USO1: variants seen among roughly 807,000 people sequenced by gnomAD.
USO1 encodes the protein USO1 vesicle transport factor.
In USO1, 57 loss-of-function variants were observed where a neutral mutation model predicts 124.5. The observed-to-expected ratio is 0.46, with a 90% CI of 0.37 to 0.57. USO1 has a LOEUF of 0.57. Among genes scored for constraint, USO1 ranks in the 20% least tolerant of loss-of-function variants. The pLI, the probability that USO1 is intolerant of heterozygous loss-of-function variation, is 0.00. For synonymous variants in USO1, 369 were observed against 362.8 expected (o/e 1.02, Z -0.19); for missense variants, 900 against 1,040.6 (o/e 0.86, Z 1.86).
chr4:75,807,382 T>A (rs1560463050), intron 20 of USO1, among the ~76,000 whole-genome samples: 1 of 151,872 alleles, frequency 6.6e-6, no homozygotes, highest in Non-Finnish European at 1.5e-5. Context: ...TTTTTTTTTT[T>A]AATCCAAGCA....
rs777706325 is a variant in USO1 at position 75,810,583 on chromosome 4, A to G, written c.2583+44A>G. 3 of 1,537,888 alleles carry G rather than the reference A, an allele frequency of 2.0e-6. No homozygotes were observed. The Admixed American group carries it at 6.9e-5, about 35-fold the overall frequency. ...TTTTATTTACTGCATATGATATGAA[A>G]TGAACTCTAGGAAATTTTATATATC... is the stretch of plus-strand genomic sequence containing the variant. On this transcript the variant is annotated intron_variant, in intron 22 of 23. Transcript: ENST00000514213.
At chr4:75,756,972 T>C (rs774378417) in intron 3 of USO1, among the ~76,000 whole-genome samples, 1 of 152,020 alleles carries the variant, frequency 6.6e-6, no homozygotes, top group Non-Finnish European at 1.5e-5. Flanking sequence ...TATATACATA[T>C]GTAAACATAC....
intron 1 of USO1, among the ~76,000 whole-genome samples, chr4:75,725,617 T>TAAA (rs5859473): frequency 7.4e-4 from 108 of 146,332 alleles, no homozygotes; most frequent in Non-Finnish European, 1.2e-3. Context: ...CGGCGTTATT[T>TAAA]AAAAAAAAAA....
rs1436814725 is a variant in USO1, at chr4:75,808,868, A to G, written c.2377-85A>G. The G allele has an allele frequency of 5.2e-5, 75 of 1,430,582 alleles. 1 individual carries two copies. The highest frequency in any genetic ancestry group is 2.9e-5 in the Non-Finnish European group (31 of 1,071,348). The allele number at this position is 1,430,582 out of a possible 1,614,324, so 88.6% of individuals were successfully genotyped here. A position where few individuals can be genotyped will look rare whatever the true frequency, so the allele number is the denominator to read the frequency against. ...TTTTAAAAGTAGGAGGTTGTAAATC[A>G]TTTTTTTAAATGTCTCCCTGTAAAT... On this transcript the variant is annotated intron_variant, in intron 20 of 23. Coordinates refer to ENST00000514213, the MANE Select transcript of USO1 (RefSeq NM_003715.4).
rs899299527 is a variant in USO1, at chr4:75,803,255, A to G, written c.1987-879A>G. Among the ~76,000 whole-genome samples, 5 of 152,228 alleles carry G rather than the reference A, an allele frequency of 3.3e-5. No homozygotes were observed. The East Asian group carries it at 7.7e-4, about 23-fold the overall frequency. On this transcript the variant is annotated intron_variant, in intron 17 of 23. Transcript: ENST00000514213. The stretch of plus-strand genomic sequence containing the variant: ...AGCAATATGGGGAAATTATGATAGA[A>G]TGTTAAGTAAATTAAAGGCTACATA...
At chr4:75,758,922 T>G (rs973089098) in intron 4 of USO1, among the ~76,000 whole-genome samples, 5 of 152,194 alleles carry the variant, frequency 3.3e-5, no homozygotes, top group Non-Finnish European at 7.3e-5. Context: ...CCTAGTTATT[T>G]CTACAATGAG....
In USO1 at chr4:75,808,966, T is replaced by A; in HGVS notation, c.2390T>A (p.Leu797Ter). The change falls in exon 21 of 24, where the codon TTA (leucine) becomes TAA (stop). Residue 797 changes from leucine (L) to a stop codon, truncating the protein, a stop_gained. Coordinates refer to ENST00000514213, the MANE Select transcript of USO1 (RefSeq NM_003715.4). LOFTEE classifies it high-confidence loss of function. ...VAELKQELAT[L>*]KSQLNSQSVE... ...TTTGTCTCTTAGGAACTGGCAACTTTAAAGTCTCAGTTAAACTCACAATCT... is the reference window on the plus strand; with the variant it reads ...TTTGTCTCTTAGGAACTGGCAACTTAAAAGTCTCAGTTAAACTCACAATCT... 6.2e-7 allele frequency: 1 copy of A among 1,600,032 alleles called. No homozygotes were observed. Among genetic ancestry groups the A allele is most frequent in the Non-Finnish European group, 8.5e-7 (1 of 1,173,452 alleles).
intron 13 of USO1, among the ~76,000 whole-genome samples, chr4:75,794,789 A>G (rs1431509819): frequency 3.3e-5 from 5 of 152,208 alleles, no homozygotes; most frequent in East Asian, 1.9e-4. Context: ...AGCTCCATCC[A>G]TAGAAATTAT....
chr4:75,769,069 T>C (rs938394343), intron 4 of USO1, among the ~76,000 whole-genome samples: 1 of 152,210 alleles, frequency 6.6e-6, no homozygotes, highest in East Asian at 1.9e-4. Context: ...CTCTTCCTTT[T>C]CTTTCCCCAC....
At chr4:75,764,081 C>A (rs1721697735) in intron 4 of USO1, among the ~76,000 whole-genome samples, 2 of 152,218 alleles carry the variant, frequency 1.3e-5, no homozygotes, top group African/African-American at 4.8e-5. Context: ...AACCATTGAT[C>A]CTTGTAATAG....
intron 4 of USO1, chr4:75,767,418 T>C: frequency 2.3e-6 from 1 of 438,374 alleles, no homozygotes; most frequent in Non-Finnish European, 4.5e-6. Flanking sequence ...TTTTGATACA[T>C]GTATAAACAT....
chr4:75,735,770 A>G (rs951903724), intron 1 of USO1, among the ~76,000 whole-genome samples: 23 of 152,098 alleles, frequency 1.5e-4, no homozygotes, highest in African/African-American at 5.3e-4. Context: ...ATCCTCTCAA[A>G]GTGCTGGGAT....
intron 4 of USO1, 164 bp from the exon 5 acceptor site, chr4:75,770,275 A>AAT (rs1214559663): frequency 1.1e-5 from 5 of 460,392 alleles, no homozygotes; most frequent in African/African-American, 2.0e-5. Context: ...CATTATTTTA[A>AAT]GGATATAGCT....
At chr4:75,776,520 T>C (rs1722075945) in intron 8 of USO1, among the ~76,000 whole-genome samples, 1 of 152,158 alleles carries the variant, frequency 6.6e-6, no homozygotes, top group Admixed American at 6.6e-5. Flanking sequence ...AATAGGGTTT[T>C]AAGGAAAGAT....
Position 75,812,525 on chromosome 4 carries a change from CTGTTTTCAT to C in USO1, c.2799+153_2799+161del, listed in dbSNP as rs1346418745. ...TATGGTACCATCTATACTGTTTTCA[CTGTTTTCAT>C]TGAATTTACTTAATACACAGATTAG... On this transcript the variant is annotated intron_variant, in intron 23 of 23. Transcript: ENST00000514213. 8.5e-6 allele frequency: 9 copies of C among 1,064,238 alleles called. No individual in the cohort carries two copies. In the Admixed American group the frequency reaches 2.1e-4, roughly 25 times the overall value. The allele number at this position is 1,064,238 out of a possible 1,614,324, so 65.9% of individuals were successfully genotyped here.
intron 12 of USO1, among the ~76,000 whole-genome samples, chr4:75,792,633 G>A (rs1722564194): frequency 6.6e-6 from 1 of 152,036 alleles, no homozygotes; most frequent in South Asian, 2.1e-4. Flanking sequence ...GGAGGTCGAG[G>A]CTGCAGTGAA....
intron 10 of USO1, among the ~76,000 whole-genome samples, chr4:75,789,167 G>T (rs955022770): frequency 6.6e-6 from 1 of 151,816 alleles, no homozygotes; most frequent in African/African-American, 2.4e-5. Flanking sequence ...CCACTCCCTT[G>T]CTCCCCAGTT....
intron 4 of USO1, among the ~76,000 whole-genome samples, chr4:75,761,843 CAAAT>C (rs1360417828): frequency 6.6e-6 from 1 of 152,124 alleles, no homozygotes; most frequent in East Asian, 1.9e-4. Flanking sequence ...AAAATACTAA[CAAAT>C]AAACTAACTT....
At chr4:75,749,892 C>G (rs897777460) in intron 1 of USO1, among the ~76,000 whole-genome samples, 1 of 151,896 alleles carries the variant, frequency 6.6e-6, no homozygotes, top group Non-Finnish European at 1.5e-5. Flanking sequence ...GCTGGGACTA[C>G]AGGCACCCGT....
Sources: gnomAD v4.1 joint callset for allele counts (sites outside exome capture counted in the v4.1 genomes callset) on GRCh38, gnomAD v4.1.1 for gene constraint, MANE v1.5 for transcripts, NCBI Gene and HGNC (gene_info 2026-07-23, HGNC 2026-07-21) for gene names.